The following SPTBN1 variants were observed in gnomAD, a reference collection of about 807,000 sequenced individuals.
SPTBN1 encodes spectrin beta, non-erythrocytic 1, also known as spectrin beta chain, non-erythrocytic 1.
Under a neutral mutation model 266.4 loss-of-function variants are expected in SPTBN1, and 32 were observed. That is an observed-to-expected ratio of 0.12 (90% CI 0.09 to 0.16). The LOEUF is 0.16. SPTBN1 is among the 10% of genes least tolerant of loss of function. The pLI, the probability that SPTBN1 is intolerant of heterozygous loss-of-function variation, is 1.00. For synonymous variants in SPTBN1, 1,336 were observed against 1,162.2 expected, an observed-to-expected ratio of 1.15 and a Z score of -3.04; for missense variants, 2,296 against 3,067.1, an observed-to-expected ratio of 0.75 and a Z score of 5.94.
chr2:54,661,307 A>G (rs919935255), intron 32 of SPTBN1: 32 of 985,776 alleles, frequency 3.2e-5, no homozygotes, highest in Non-Finnish European at 3.9e-5. Flanking sequence ...TCCATATTAT[A>G]CATCAAAACC....
intron 1 of SPTBN1, among the ~76,000 whole-genome samples, chr2:54,496,936 A>G (rs969169864): frequency 6.6e-6 from 1 of 152,248 alleles, no homozygotes; most frequent in African/African-American, 2.4e-5. Context: ...TGTGTCCTGT[A>G]ATAGGGACTT....
At chr2:54,513,806 G>A (rs2104236788) in intron 1 of SPTBN1, among the ~76,000 whole-genome samples, 1 of 152,270 alleles carries the variant, frequency 6.6e-6, no homozygotes, top group Admixed American at 6.5e-5. Context: ...ATGTATATGA[G>A]AATAGCTGTG....
chr2:54,518,769 T>G (rs1164690901), intron 1 of SPTBN1, among the ~76,000 whole-genome samples: 1 of 152,216 alleles, frequency 6.6e-6, no homozygotes, highest in Non-Finnish European at 1.5e-5. Context: ...TTTATTTAAT[T>G]TATTTGAGCC....
At chr2:54,575,619 T>G (rs1674407521) in intron 2 of SPTBN1, among the ~76,000 whole-genome samples, 1 of 152,256 alleles carries the variant, frequency 6.6e-6, no homozygotes, top group Non-Finnish European at 1.5e-5. Flanking sequence ...AGGATTCTTT[T>G]GTACACAGAG....
intron 1 of SPTBN1, among the ~76,000 whole-genome samples, chr2:54,474,951 T>C (rs1667748807): frequency 6.6e-6 from 1 of 152,154 alleles, no homozygotes; most frequent in Admixed American, 6.5e-5. Context: ...GGCGGGTAGA[T>C]TGCCTTCAGG....
chr2:54,561,628 T>C (rs1281047564), intron 2 of SPTBN1, among the ~76,000 whole-genome samples: 4 of 151,874 alleles, frequency 2.6e-5, no homozygotes, highest in Non-Finnish European at 4.4e-5. Context: ...AATTTTAAAA[T>C]GAGTCTGGTC....
At chr2:54,524,104 C>G (rs1670653921) in intron 1 of SPTBN1, among the ~76,000 whole-genome samples, 1 of 152,046 alleles carries the variant, frequency 6.6e-6, no homozygotes, top group Admixed American at 6.5e-5. Context: ...GAGGCTGAGG[C>G]AGAAGAATTG....
intron 20 of SPTBN1, among the ~76,000 whole-genome samples, chr2:54,644,942 G>A (rs576058843): frequency 2.0e-5 from 3 of 152,268 alleles, no homozygotes; most frequent in South Asian, 2.1e-4. Flanking sequence ...GTTTAACATC[G>A]TGATTTGTGA....
intron 16 of SPTBN1, among the ~76,000 whole-genome samples, chr2:54,631,951 C>T (rs1678761392): frequency 6.6e-6 from 1 of 152,052 alleles, no homozygotes; most frequent in South Asian, 2.1e-4. Context: ...ATGACTCACT[C>T]CTGTAATCCC....
chr2:54,500,944 T>C (rs1186905413), intron 1 of SPTBN1, among the ~76,000 whole-genome samples: 2 of 152,224 alleles, frequency 1.3e-5, no homozygotes, highest in African/African-American at 4.8e-5. Flanking sequence ...ACAGTGTTCC[T>C]TTCCAGTCCT....
chr2:54,637,542 C>T (rs1463151498), intron 17 of SPTBN1, among the ~76,000 whole-genome samples, 171 bp from the exon 18 acceptor site: 1 of 152,134 alleles, frequency 6.6e-6, no homozygotes, highest in Non-Finnish European at 1.5e-5. Flanking sequence ...ATGGCTTACT[C>T]CTTTGGAGGA....
At chr2:54,636,255 T>TA (rs1679123806) in intron 17 of SPTBN1, among the ~76,000 whole-genome samples, 2 of 152,306 alleles carry the variant, frequency 1.3e-5, no homozygotes, top group African/African-American at 4.8e-5. Flanking sequence ...GCTATGGAAC[T>TA]CCTTTCAACT....
intron 2 of SPTBN1, among the ~76,000 whole-genome samples, chr2:54,560,743 C>G (rs191982152): frequency 6.6e-6 from 1 of 152,120 alleles, no homozygotes; most frequent in East Asian, 1.9e-4. Context: ...TTAGGAGTTG[C>G]ACAAGTTTAG....
At chr2:54,516,470 G>A (rs1670115398) in intron 1 of SPTBN1, 1 of 152,152 alleles carries the variant, frequency 6.6e-6, no homozygotes, top group Non-Finnish European at 1.5e-5. Flanking sequence ...TATGATAAAA[G>A]CATCATAGCT....
intron 15 of SPTBN1, among the ~76,000 whole-genome samples, chr2:54,630,282 G>T (rs1426185953): frequency 1.3e-5 from 2 of 152,202 alleles, no homozygotes; most frequent in Non-Finnish European, 2.9e-5. Context: ...CAAAGTTAGG[G>T]CCTTGGTTTG....
intron 2 of SPTBN1, among the ~76,000 whole-genome samples, chr2:54,563,392 C>T (rs574877253): frequency 3.6e-4 from 55 of 152,146 alleles, no homozygotes; most frequent in Middle Eastern, 3.4e-3. Context: ...TGGCTCAGTG[C>T]GTTTGCACCA....
rs61730127 is a variant in SPTBN1 at position 54,631,077 on chromosome 2, A to G, written c.3030A>G (p.Ala1010=). Residue 1010 remains alanine, a synonymous_variant, in exon 16 of 36, where the codon GCA becomes GCG. Coordinates refer to ENST00000356805, the MANE Select transcript of SPTBN1 (RefSeq NM_003128.3). ...AGCGGGACTTGGTGGCCATTGAGGCAAAGCTGAGTGACCTGCAGAAGGAGG... is the reference window on the plus strand; with the variant it reads ...AGCGGGACTTGGTGGCCATTGAGGCGAAGCTGAGTGACCTGCAGAAGGAGG... ...GMERDLVAIE[A]KLSDLQKEAE... 0.062 allele frequency: 100,205 copies of G among 1,614,064 alleles called. 3,529 individuals are homozygous for G. Among genetic ancestry groups the G allele is most frequent in the Middle Eastern group, 0.087 (525 of 6,062 alleles).
chr2:54,596,970 G>A (rs146569962), intron 2 of SPTBN1, among the ~76,000 whole-genome samples: 4 of 152,258 alleles, frequency 2.6e-5, no homozygotes, highest in African/African-American at 7.2e-5. Context: ...AAGAAGTCTG[G>A]GTGCTCCTTT....
chr2:54,592,118 GA>G (rs1422564647), intron 2 of SPTBN1, among the ~76,000 whole-genome samples: 2 of 152,158 alleles, frequency 1.3e-5, no homozygotes, highest in Non-Finnish European at 2.9e-5. Flanking sequence ...AGTGAGCTGT[GA>G]TCACACCACT....
Sources: gnomAD v4.1 joint callset for allele counts (sites outside exome capture counted in the v4.1 genomes callset) on GRCh38, gnomAD v4.1.1 for gene constraint, MANE v1.5 for transcripts, NCBI Gene and HGNC (gene_info 2026-07-23, HGNC 2026-07-21) for gene names.